ATP8B4: variants seen among roughly 807,000 people sequenced by gnomAD.
ATP8B4 encodes the protein probable phospholipid-transporting ATPase IM.
In ATP8B4, 133 loss-of-function variants were observed where a neutral mutation model predicts 145.6. The ratio of observed to expected loss-of-function variants is 0.91; its 90% CI spans 0.79 to 1.05. The LOEUF (loss-of-function observed/expected upper bound fraction) is 1.05, where lower values mean the gene tolerates loss of function less well. Among genes scored for constraint, ATP8B4 ranks in the 50% least tolerant of loss-of-function variants. The probability of loss-of-function intolerance (pLI) is 0.00; values close to 1 mark genes in which losing one functional copy is unlikely to be tolerated. For missense variants in ATP8B4, 1,458 were observed against 1,425.2 expected, an observed-to-expected ratio of 1.02 and a Z score of -0.37; for synonymous variants, 507 against 492.9, an observed-to-expected ratio of 1.03 and a Z score of -0.38.
chr15:49,886,874 A>G (rs905227015), intron 23 of ATP8B4, among the ~76,000 whole-genome samples: 3 of 151,962 alleles, frequency 2.0e-5, no homozygotes, highest in Admixed American at 1.3e-4. Flanking sequence ...CAGTGGCACA[A>G]TCTCGGCTCA....
chr15:50,043,719 C>T (rs530251077), intron 5 of ATP8B4, among the ~76,000 whole-genome samples: 72 of 150,964 alleles, frequency 4.8e-4, no homozygotes, highest in African/African-American at 4.4e-4. Flanking sequence ...TTTGGGAGGC[C>T]GAGGCAGGTG....
intron 3 of ATP8B4, among the ~76,000 whole-genome samples, chr15:50,072,934 CTCT>C (rs2053856469): frequency 6.2e-5 from 1 of 16,256 alleles, no homozygotes; most frequent in African/African-American, 2.3e-4. Context: ...CTCTCTCTCT[CTCT>C]CTCTCTCTCT....
chr15:50,034,058 T>C (rs1445614787), intron 6 of ATP8B4, among the ~76,000 whole-genome samples: 2 of 152,144 alleles, frequency 1.3e-5, no homozygotes, highest in African/African-American at 4.8e-5. Flanking sequence ...GAATGACTTA[T>C]TTTCCACTGG....
chr15:49,909,746 AGAAAG>A (rs2039035551), intron 20 of ATP8B4, among the ~76,000 whole-genome samples: 1 of 148,326 alleles, frequency 6.7e-6, no homozygotes, highest in Non-Finnish European at 1.5e-5. Context: ...AAAAAAAAAA[AGAAAG>A]CCAAATAAAT....
At chr15:50,045,742 C>T (rs925403611) in intron 4 of ATP8B4, among the ~76,000 whole-genome samples, 3 of 152,128 alleles carry the variant, frequency 2.0e-5, no homozygotes, top group Admixed American at 6.5e-5. Context: ...CTAATTTCTT[C>T]AGCAATAAAG....
chr15:49,903,339 A>G (rs1428333621), intron 20 of ATP8B4, among the ~76,000 whole-genome samples: 1 of 152,214 alleles, frequency 6.6e-6, no homozygotes, highest in East Asian at 1.9e-4. Flanking sequence ...CATAATACAA[A>G]TAACAAATGC....
chr15:49,949,246 A>G (rs1475585961), intron 14 of ATP8B4, among the ~76,000 whole-genome samples: 1 of 152,158 alleles, frequency 6.6e-6, no homozygotes, highest in African/African-American at 2.4e-5. Flanking sequence ...TGAATCTATA[A>G]ATTACTTTGG....
At chr15:50,125,755 T>C (rs2057303202) in intron 1 of ATP8B4, among the ~76,000 whole-genome samples, 1 of 152,250 alleles carries the variant, frequency 6.6e-6, no homozygotes, top group Admixed American at 6.5e-5. Context: ...GGAATTTTAA[T>C]ACAAAGAAAC....
intron 20 of ATP8B4, among the ~76,000 whole-genome samples, chr15:49,906,027 T>C (rs1167120430): frequency 6.6e-6 from 1 of 152,188 alleles, no homozygotes; most frequent in Non-Finnish European, 1.5e-5. Context: ...CATGATGTTT[T>C]GTAGTCTCAT....
intron 1 of ATP8B4, among the ~76,000 whole-genome samples, chr15:50,128,879 C>T (rs937518906): frequency 2.6e-5 from 4 of 152,078 alleles, no homozygotes; most frequent in African/African-American, 9.7e-5. Flanking sequence ...ACCAGACTGA[C>T]CAACATGGTG....
chr15:50,176,119 A>T (rs918869209), intron 1 of ATP8B4, among the ~76,000 whole-genome samples: 2 of 151,880 alleles, frequency 1.3e-5, no homozygotes, highest in African/African-American at 4.8e-5. Context: ...TATATACTGC[A>T]CAGCATATAT....
At chr15:49,904,986 TTC>T (rs1175128706) in intron 20 of ATP8B4, among the ~76,000 whole-genome samples, 1 of 152,172 alleles carries the variant, frequency 6.6e-6, no homozygotes, top group African/African-American at 2.4e-5. Context: ...CAAAATTAAA[TTC>T]TCAGTCTGTT....
At chr15:49,879,531 T>C in intron 23 of ATP8B4, 72 bp from the exon 24 acceptor site, 1 of 1,369,314 alleles carries the variant, frequency 7.3e-7, no homozygotes, top group Non-Finnish European at 1.0e-6. Context: ...TTAGGTTAAA[T>C]AACCAGGTTT....
intron 23 of ATP8B4, among the ~76,000 whole-genome samples, chr15:49,881,683 T>A (rs2035446218): frequency 6.6e-6 from 1 of 152,234 alleles, no homozygotes; most frequent in South Asian, 2.1e-4. Context: ...CTGGAAAAGC[T>A]GGCTGGCACT....
At chr15:49,908,335 C>A (rs995396329) in intron 20 of ATP8B4, among the ~76,000 whole-genome samples, 7 of 152,158 alleles carry the variant, frequency 4.6e-5, no homozygotes, top group African/African-American at 1.7e-4. Context: ...AGTAGATAAT[C>A]ATACTTCAAA....
intron 4 of ATP8B4, among the ~76,000 whole-genome samples, chr15:50,046,587 C>G (rs1336753122): frequency 6.6e-6 from 1 of 152,202 alleles, no homozygotes. Context: ...GAAAACAGTA[C>G]TCAAATCTAT....
At chr15:49,975,055 T>C (rs765566425) in intron 12 of ATP8B4, among the ~76,000 whole-genome samples, 42 of 152,200 alleles carry the variant, frequency 2.8e-4, no homozygotes, top group Non-Finnish European at 5.1e-4. Context: ...TTTTTCCTGA[T>C]AGAATCAATG....
At chr15:49,995,882 A>G (rs1305680449) in intron 9 of ATP8B4, among the ~76,000 whole-genome samples, 2 of 152,114 alleles carry the variant, frequency 1.3e-5, no homozygotes, top group Non-Finnish European at 2.9e-5. Context: ...TCTGCAGCCT[A>G]TTATGGTGCC....
At chr15:50,031,104 A>C (rs181989810) in intron 6 of ATP8B4, among the ~76,000 whole-genome samples, 1 of 152,350 alleles carries the variant, frequency 6.6e-6, no homozygotes, top group Admixed American at 6.5e-5. Flanking sequence ...TGTAAGTTGA[A>C]TATTCATTTT....
Sources: gnomAD v4.1 joint callset for allele counts (sites outside exome capture counted in the v4.1 genomes callset) on GRCh38, gnomAD v4.1.1 for gene constraint, MANE v1.5 for transcripts, NCBI Gene and HGNC (gene_info 2026-07-23, HGNC 2026-07-21) for gene names.